The following RGL4 variants were observed in gnomAD, a reference collection of about 807,000 sequenced individuals.
RGL4 encodes the protein ral-GDS-related protein.
A neutral mutation model predicts 49.6 loss-of-function variants in RGL4; 41 were observed. That is an observed-to-expected ratio of 0.83 (90% confidence interval 0.64 to 1.07). The LOEUF is 1.07. Ranked by LOEUF, RGL4 falls within the 50% of genes least tolerant of loss-of-function variation. RGL4 has a pLI of 0.00. For missense variants in RGL4, 610 were observed against 591.9 expected (o/e 1.03, Z -0.32); for synonymous variants, 255 against 238.0 (o/e 1.07, Z -0.66).
chr22:23,697,001 T>C (rs1444852069), intron 7 of RGL4, among the ~76,000 whole-genome samples, 170 bp from the exon 8 acceptor site: 2 of 152,074 alleles, frequency 1.3e-5, no homozygotes, highest in African/African-American at 2.4e-5. Context: ...AGGCAGAGAA[T>C]TGGGAAAGGC....
chr22:23,694,183 A>G (rs1923334405), intron 4 of RGL4, 164 bp from the exon 5 acceptor site: 1 of 715,990 alleles, frequency 1.4e-6, no homozygotes, highest in East Asian at 2.7e-5. Flanking sequence ...GGGTTGAACT[A>G]AAATCCTCCT....
chr22:23,696,200 T>C, intron 6 of RGL4: 4 of 870,052 alleles, frequency 4.6e-6, no homozygotes, highest in Non-Finnish European at 6.1e-6. Flanking sequence ...CACTGCCCGC[T>C]CTGGGCCTCT....
At chr22:23,694,500 C>A in intron 5 of RGL4, 50 bp downstream of exon 5, 1 of 1,261,494 alleles carries the variant, frequency 7.9e-7, no homozygotes, top group Non-Finnish European at 1.2e-6. Flanking sequence ...TAGGGACTCA[C>A]AGGTCTCCCC....
chr22:23,692,297 G>A (rs768142227), intron 1 of RGL4, 38 bp from the exon 2 acceptor site: 1 of 1,610,456 alleles, frequency 6.2e-7, no homozygotes. Context: ...TGTGGGAGAA[G>A]GCCAGGCCTC....
Position 23,698,221 on chromosome 22 carries a change from G to A in RGL4, c.1270G>A (p.Val424Ile). ...TGTCCTCTGTCTCTAGGAGGTCCGAGTTCTGCAGGAAATGCAGCTGCTCCA... is the reference window on the plus strand; with the variant it reads ...TGTCCTCTGTCTCTAGGAGGTCCGAATTCTGCAGGAAATGCAGCTGCTCCA... Reference protein sequence around the residue: ...NTNKRSKEVRVLQEMQLLQVA... With the variant: ...NTNKRSKEVRILQEMQLLQVA... The change falls in exon 10 of 11, where the codon GTT (valine) becomes ATT (isoleucine). Residue 424 changes from valine to isoleucine, a missense_variant. Physicochemically the swap from Val to Ile is conservative, Grantham distance 29. Transcript: ENST00000290691. 6.2e-7 allele frequency: 1 copy of A among 1,607,074 alleles called. No individual in the cohort carries two copies. The highest frequency in any genetic ancestry group is 8.5e-7 in the Non-Finnish European group (1 of 1,174,324).
intron 3 of RGL4, among the ~76,000 whole-genome samples, chr22:23,693,350 T>G (rs1923263437): frequency 6.6e-6 from 1 of 152,150 alleles, no homozygotes; most frequent in Non-Finnish European, 1.5e-5. Context: ...TACTGGATTC[T>G]ATGGTAGACA....
chr22:23,693,523 A>T (rs1923279611), intron 3 of RGL4, among the ~76,000 whole-genome samples: 1 of 151,400 alleles, frequency 6.6e-6, no homozygotes, highest in African/African-American at 2.4e-5. Flanking sequence ...AGAAAATGTC[A>T]CTCTCTCTTC....
At chr22:23,696,401 TTTGCA>T in intron 6 of RGL4, 16 of 1,507,202 alleles carry the variant, frequency 1.1e-5, no homozygotes, top group Non-Finnish European at 1.4e-5. Flanking sequence ...GTAGCTGTGG[TTTGCA>T]TCACTCTTTA....
In RGL4 at chr22:23,693,011, A is replaced by T; in HGVS notation, c.696+20A>T. 2 of 1,569,418 alleles carry T rather than the reference A, an allele frequency of 1.3e-6. No homozygotes were observed. The highest frequency in any genetic ancestry group is 1.7e-6 in the Non-Finnish European group (2 of 1,154,338). ...GATGCGGTGAGCAGCTGAGCTTTGCAGGCTGTGTCTCTGGCACCAGCTGTC... is the reference window on the plus strand; with the variant it reads ...GATGCGGTGAGCAGCTGAGCTTTGCTGGCTGTGTCTCTGGCACCAGCTGTC... On this transcript the variant is annotated intron_variant, in intron 3 of 10. Coordinates refer to ENST00000290691, the MANE Select transcript of RGL4 (RefSeq NM_153615.2).
chr22:23,691,847 TG>T lies in RGL4; in HGVS notation c.-183del. ...GACTTCCCCCACAAGAGGCAAATAG[TG>T]AGTTCTGTAAATGGAGACTTAGGTC... is the stretch of plus-strand genomic sequence containing the variant. On this transcript the variant is annotated 5_prime_UTR_variant, in exon 1 of 11. Transcript: ENST00000290691. The T allele has an allele frequency of 1.7e-6, 1 of 573,744 alleles. No homozygotes were observed. The highest frequency in any genetic ancestry group is 4.7e-4 in the Middle Eastern group (1 of 2,108). The allele number at this position is 573,744 out of a possible 1,614,324, so 35.5% of individuals were successfully genotyped here.
At position 23,691,971 on chromosome 22, in the gene RGL4, C is replaced by A. The variant is rs1044350187; in HGVS notation, c.-60C>A. ...TCCCAGCTCTCCCTGTCCTCCTCCC[C>A]CCGACATCTGCCCCTTCCCTCCTAA... On this transcript the variant is annotated 5_prime_UTR_variant, in exon 1 of 11. Transcript: ENST00000290691. 3.2e-6 allele frequency: 5 copies of A among 1,570,606 alleles called. No homozygotes were observed. Among genetic ancestry groups the A allele is most frequent in the Non-Finnish European group, 4.3e-6 (5 of 1,151,348 alleles).
chr22:23,693,678 G>A, intron 3 of RGL4, 81 bp from the exon 4 acceptor site: 1 of 1,135,690 alleles, frequency 8.8e-7, no homozygotes, highest in Admixed American at 1.8e-5. Context: ...GGATGACTGT[G>A]AGCTCAGTCC....
rs1923720890 is a variant in RGL4, at chr22:23,698,955, C to G, written c.*72C>G. The G allele has an allele frequency of 6.3e-7, 1 of 1,585,728 alleles. No homozygotes were observed. The highest frequency in any genetic ancestry group is 1.1e-5 in the South Asian group (1 of 87,194). On this transcript the variant is annotated 3_prime_UTR_variant, in exon 11 of 11. Coordinates refer to ENST00000290691, the MANE Select transcript of RGL4 (RefSeq NM_153615.2). Reference sequence around the variant, plus strand: ...AGAACACCGGCTCTGCACCATCCCTCACCCAGACCGTAGACACCAGGGAAC... The same window carrying G: ...AGAACACCGGCTCTGCACCATCCCTGACCCAGACCGTAGACACCAGGGAAC...
intron 4 of RGL4, 131 bp from the exon 5 acceptor site, chr22:23,694,216 C>T (rs765480232): frequency 4.8e-5 from 38 of 787,660 alleles, no homozygotes; most frequent in Non-Finnish European, 8.0e-5. Context: ...TCCACTCGGC[C>T]CCAGGTCTGC....
At chr22:23,698,188 C>T (rs779320378) in intron 9 of RGL4, 24 bp from the exon 10 acceptor site, 156 of 1,589,590 alleles carry the variant, frequency 9.8e-5, no homozygotes, top group Non-Finnish European at 1.2e-4. Flanking sequence ...CAGGCCCTGT[C>T]AGCATCCTGT....
Position 23,692,751 on chromosome 22 carries a change from T to C in RGL4, c.456T>C (p.Pro152=), listed in dbSNP as rs550157783. The C allele has an allele frequency of 2.7e-5, 44 of 1,613,374 alleles. 1 individual carries two copies. The South Asian group carries it at 4.1e-4, about 15-fold the overall frequency. ...PAPPLLADLG[P]ALEPESPAAL... ...CACCACTGCTGGCGGACCTGGGGCCTGCTCTGGAGCCAGAGTCACCTGCAG... is the reference window on the plus strand; with the variant it reads ...CACCACTGCTGGCGGACCTGGGGCCCGCTCTGGAGCCAGAGTCACCTGCAG... Residue 152 remains proline (P), a synonymous_variant, in exon 3 of 11, where the codon CCT becomes CCC. Transcript: ENST00000290691.
chr22:23,694,765 G>A, intron 5 of RGL4, 185 bp from the exon 6 acceptor site: 1 of 620,876 alleles, frequency 1.6e-6, no homozygotes, highest in South Asian at 1.9e-5. Context: ...AAGTGGAGAT[G>A]GGGCCCAGGG....
At chr22:23,697,701 C>G in intron 8 of RGL4, 137 bp from the exon 9 acceptor site, 3 of 906,552 alleles carry the variant, frequency 3.3e-6, no homozygotes, top group Non-Finnish European at 5.3e-6. Flanking sequence ...GAGCCCGGAG[C>G]CTGAGGCAGG....
intron 3 of RGL4, 79 bp downstream of exon 3, chr22:23,693,070 C>T: frequency 6.7e-7 from 1 of 1,484,138 alleles, no homozygotes; most frequent in Non-Finnish European, 8.9e-7. Flanking sequence ...GCAGCCAATG[C>T]CCTCGGTCCA....
Sources: allele counts gnomAD v4.1 joint callset (sites outside exome capture counted in the v4.1 genomes callset), GRCh38; gene constraint gnomAD v4.1.1; transcripts MANE v1.5; gene names NCBI Gene and HGNC (gene_info 2026-07-23, HGNC 2026-07-21).